Variants in RAB3GAP1 observed in about 807,000 individuals in gnomAD.
The protein encoded by RAB3GAP1 is RAB3 GTPase activating protein catalytic subunit 1.
RAB3GAP1 carries 86 observed loss-of-function variants against 130.7 expected under a neutral mutation model. The observed-to-expected ratio is 0.66, with a 90% CI of 0.55 to 0.79. RAB3GAP1 has a LOEUF of 0.79. Among genes scored for constraint, RAB3GAP1 ranks in the 30% least tolerant of loss-of-function variants. RAB3GAP1 has a pLI of 0.00. For missense variants in RAB3GAP1, 1,029 were observed against 1,169.4 expected (o/e 0.88, Z 1.75); for synonymous variants, 367 against 401.7 (o/e 0.91, Z 1.03).
At chr2:135,079,868 G>A (rs978305413) in intron 3 of RAB3GAP1, among the ~76,000 whole-genome samples, 13 of 152,240 alleles carry the variant, frequency 8.5e-5, no homozygotes, top group African/African-American at 3.1e-4. Context: ...GGTGGCTCAC[G>A]CCTGTAATCC....
rs1691506755 is a variant in RAB3GAP1, at chr2:135,130,587, A to G, written c.1102A>G (p.Thr368Ala). 2 of 1,613,576 alleles carry G rather than the reference A, an allele frequency of 1.2e-6. No individual in the cohort carries two copies. The highest frequency in any genetic ancestry group is 2.7e-5 in the African/African-American group (2 of 74,914). Residue 368 changes from threonine to alanine, a missense_variant, in exon 13 of 24, where the codon ACA becomes GCA. Transcript: ENST00000264158. ...TATAACTCATGCTTTGTCAAAATTG[A>G]CAGAGCCGGCATCAGTTCCAATTCA... Reference protein sequence around the residue: ...ADITHALSKLTEPASVPIHKL... With the variant: ...ADITHALSKLAEPASVPIHKL...
rs1045547873 is a variant in RAB3GAP1 at position 135,093,620 on chromosome 2, G to T, written c.289G>T (p.Val97Phe). 1 of 1,612,462 alleles carries T rather than the reference G, an allele frequency of 6.2e-7. No homozygotes were observed. The highest frequency in any genetic ancestry group is 8.5e-7 in the Non-Finnish European group (1 of 1,178,528). ...ATTATCAAATGTTTTTGTAGATGTTGTTCCACAATCTATGCAAGATTTGCT... is the reference window on the plus strand; with the variant it reads ...ATTATCAAATGTTTTTGTAGATGTTTTTCCACAATCTATGCAAGATTTGCT... ...EGKDELLEDV[V>F]PQSMQDLLGM... Residue 97 changes from valine to phenylalanine, a missense_variant, in exon 5 of 24, where the codon GTT becomes TTT. By Grantham distance (50) the Val-to-Phe change is conservative. Transcript: ENST00000264158.
In RAB3GAP1 at chr2:135,135,603, G is replaced by A. The variant is rs1395545931; in HGVS notation, c.1594G>A (p.Glu532Lys). The part of the protein sequence containing the change: ...CCIERKKARD[E>K]GKKTSASDVT... ...TATTGAAAGAAAGAAGGCACGTGATGAGGGGAAAAAGACAAGTGCTTCAGA... is the reference window on the plus strand; with the variant it reads ...TATTGAAAGAAAGAAGGCACGTGATAAGGGGAAAAAGACAAGTGCTTCAGA... The change falls in exon 17 of 24, where the codon GAG (glutamate) becomes AAG (lysine). Residue 532 changes from glutamate to lysine, a missense_variant. Around this residue, in one of 3 missense-constraint regions of RAB3GAP1, gnomAD observed 373 missense variants for 493.6 expected, o/e 0.76. Coordinates refer to ENST00000264158, the MANE Select transcript of RAB3GAP1 (RefSeq NM_012233.3). The A allele has an allele frequency of 2.5e-6, 4 of 1,608,844 alleles. No individual in the cohort carries two copies. Among genetic ancestry groups the A allele is most frequent in the Non-Finnish European group, 3.4e-6 (4 of 1,177,038 alleles).
intron 2 of RAB3GAP1, among the ~76,000 whole-genome samples, chr2:135,054,188 TC>T (rs2104816072): frequency 6.6e-6 from 1 of 152,322 alleles, no homozygotes; most frequent in East Asian, 1.9e-4. Context: ...CTGGGCCCCA[TC>T]CTCAGAGTTT....
intron 17 of RAB3GAP1, among the ~76,000 whole-genome samples, chr2:135,140,313 A>G (rs1269171402): frequency 2.0e-5 from 3 of 152,202 alleles, no homozygotes; most frequent in African/African-American, 4.8e-5. Flanking sequence ...TAGTAGATCT[A>G]TCTAAATAGT....
intron 17 of RAB3GAP1, among the ~76,000 whole-genome samples, chr2:135,146,668 C>G (rs1213629508): frequency 1.3e-5 from 2 of 152,072 alleles, no homozygotes; most frequent in Non-Finnish European, 1.5e-5. Context: ...CCTTTCTGAG[C>G]CTTGTTTTTC....
intron 5 of RAB3GAP1, among the ~76,000 whole-genome samples, chr2:135,106,756 T>TAAAAAAAAAAAAAAAAAAAAAA (rs201827793): frequency 1.5e-5 from 1 of 65,682 alleles, no homozygotes; most frequent in African/African-American, 5.9e-5. Flanking sequence ...CAATAAATAC[T>TAAAAAAAAAAAAAAAAAAAAAA]AAAAAAAAAA....
chr2:135,146,751 G>T (rs1278598033), intron 17 of RAB3GAP1, among the ~76,000 whole-genome samples: 1 of 152,054 alleles, frequency 6.6e-6, no homozygotes, highest in African/African-American at 2.4e-5. Context: ...CATTTTTTGT[G>T]TGCATTCTTT....
chr2:135,058,159 T>C (rs749992927), intron 3 of RAB3GAP1, 73 bp downstream of exon 3: 1 of 1,220,698 alleles, frequency 8.2e-7, no homozygotes, highest in Non-Finnish European at 1.2e-6. Flanking sequence ...CTTTGCTGCA[T>C]TTGGCACATT....
chr2:135,117,435 TCTTCTTCTTCTTCTTCTTCTG>T lies in RAB3GAP1; in HGVS notation c.648+2060_648+2080del, dbSNP rs1235098376. 4.6e-3 allele frequency among the ~76,000 whole-genome samples: 592 copies of T among 129,020 alleles called. 8 individuals are homozygous for T. The highest frequency in any genetic ancestry group is 0.031 in the Admixed American group (393 of 12,682). The allele number at this position is 129,020 out of a possible 152,430, so 84.6% of individuals were successfully genotyped here. On this transcript the variant is annotated intron_variant, in intron 7 of 23. Coordinates refer to ENST00000264158, the MANE Select transcript of RAB3GAP1 (RefSeq NM_012233.3). ...TTCTTCTTCTTCTTCTTCTTCTTCTTCTTCTTCTTCTTCTTCTTCTGCTTCTGCTTCTGCTTCTGCTTCTTC... is the reference window on the plus strand; with the variant it reads ...TTCTTCTTCTTCTTCTTCTTCTTCTTCTTCTGCTTCTGCTTCTGCTTCTTC...
rs115060908 is a variant in RAB3GAP1, at chr2:135,054,646, A to G, written c.74+2161A>G. 3.0e-3 allele frequency among the ~76,000 whole-genome samples: 458 copies of G among 152,344 alleles called. 2 individuals are homozygous for G. The highest frequency in any genetic ancestry group is 0.01 in the African/African-American group (433 of 41,582). ...TGATGTCTTGAAGGTAGTTAGAAAAATGTAATTCAAATCTTGGAGGGTGGG... is the reference window on the plus strand; with the variant it reads ...TGATGTCTTGAAGGTAGTTAGAAAAGTGTAATTCAAATCTTGGAGGGTGGG... On this transcript the variant is annotated intron_variant, in intron 2 of 23. Coordinates refer to ENST00000264158, the MANE Select transcript of RAB3GAP1 (RefSeq NM_012233.3).
intron 7 of RAB3GAP1, among the ~76,000 whole-genome samples, chr2:135,120,114 C>G (rs1691152510): frequency 1.3e-5 from 2 of 152,154 alleles, no homozygotes; most frequent in Non-Finnish European, 2.9e-5. Context: ...TCTCCCCAAA[C>G]CAAGTCTTAT....
At chr2:135,128,642 C>G (rs970817528) in intron 11 of RAB3GAP1, among the ~76,000 whole-genome samples, 2 of 152,086 alleles carry the variant, frequency 1.3e-5, no homozygotes, top group Non-Finnish European at 2.9e-5. Flanking sequence ...CTTACCCTAC[C>G]TCTTTTAATA....
intron 5 of RAB3GAP1, among the ~76,000 whole-genome samples, chr2:135,099,735 A>G (rs77928821): frequency 2.0e-5 from 3 of 151,800 alleles, no homozygotes; most frequent in South Asian, 4.1e-4. Flanking sequence ...TGAGGTGGCA[A>G]TTCCTTCTAG....
chr2:135,139,558 A>G (rs766326553), intron 17 of RAB3GAP1, among the ~76,000 whole-genome samples: 1 of 152,044 alleles, frequency 6.6e-6, no homozygotes, highest in Admixed American at 6.6e-5. Flanking sequence ...AAAAAAAAAA[A>G]AAATAAAAAG....
intron 7 of RAB3GAP1, among the ~76,000 whole-genome samples, chr2:135,118,672 T>C (rs1691100890): frequency 6.6e-6 from 1 of 152,184 alleles, no homozygotes; most frequent in South Asian, 2.1e-4. Flanking sequence ...TCTGTAGTTT[T>C]ATGGTTACTC....
At chr2:135,124,048 T>C in intron 8 of RAB3GAP1, 117 bp from the exon 9 acceptor site, 1 of 962,768 alleles carries the variant, frequency 1.0e-6, no homozygotes, top group Non-Finnish European at 1.6e-6. Flanking sequence ...ACTTGCTAAC[T>C]TGCTACATGT....
At chr2:135,078,580 G>A (rs542673772) in intron 3 of RAB3GAP1, among the ~76,000 whole-genome samples, 1 of 145,556 alleles carries the variant, frequency 6.9e-6, no homozygotes, top group African/African-American at 2.6e-5. Context: ...CTATAAATTT[G>A]TTATACATTC....
intron 3 of RAB3GAP1, among the ~76,000 whole-genome samples, chr2:135,090,708 T>TA (rs1690118644): frequency 6.6e-6 from 1 of 152,208 alleles, no homozygotes; most frequent in Admixed American, 6.5e-5. Context: ...GTATTATTAA[T>TA]ATATAGTGAT....
Sources: allele counts gnomAD v4.1 joint callset (sites outside exome capture counted in the v4.1 genomes callset), GRCh38; gene constraint gnomAD v4.1.1; regional missense constraint gnomAD v4.1.1; transcripts MANE v1.5; gene names NCBI Gene and HGNC (gene_info 2026-07-23, HGNC 2026-07-21).